WDR64: variants seen among roughly 807,000 people sequenced by gnomAD.
WDR64 encodes WD repeat-containing protein 64.
Under a neutral mutation model 139.3 loss-of-function variants are expected in WDR64, and 112 were observed. The observed-to-expected ratio is 0.80, with a 90% CI of 0.69 to 0.94. WDR64 has a LOEUF of 0.94. Ranked by LOEUF, WDR64 falls within the 40% of genes least tolerant of loss-of-function variation. WDR64 has a pLI of 0.00. For synonymous variants in WDR64, 444 were observed against 437.7 expected, an observed-to-expected ratio of 1.01 and a Z score of -0.18; for missense variants, 1,206 against 1,293.1, an observed-to-expected ratio of 0.93 and a Z score of 1.03.
intron 7 of WDR64, 140 bp from the exon 8 acceptor site, chr1:241,687,321 A>AAAT: frequency 5.0e-6 from 4 of 799,378 alleles, no homozygotes; most frequent in Non-Finnish European, 7.5e-6. Flanking sequence ...AAAAAAAAAA[A>AAAT]GGTGTTATAA....
intron 22 of WDR64, among the ~76,000 whole-genome samples, chr1:241,781,695 A>G (rs1263165564): frequency 6.6e-6 from 1 of 152,244 alleles, no homozygotes; most frequent in Non-Finnish European, 1.5e-5. Context: ...GCGGATTTCA[A>G]TCCATTAAGG....
chr1:241,686,458 T>C (rs565000073), intron 7 of WDR64, among the ~76,000 whole-genome samples: 5 of 152,246 alleles, frequency 3.3e-5, no homozygotes, highest in Non-Finnish European at 7.3e-5. Context: ...GCTGTAAACA[T>C]TTCTATTCCT....
chr1:241,765,884 G>A (rs772964112), intron 15 of WDR64, among the ~76,000 whole-genome samples: 3 of 152,176 alleles, frequency 2.0e-5, no homozygotes, highest in Admixed American at 6.5e-5. Context: ...AGAAAAGTTG[G>A]TAAGTGGAAA....
At chr1:241,782,380 G>A (rs575674605) in intron 22 of WDR64, among the ~76,000 whole-genome samples, 5 of 152,304 alleles carry the variant, frequency 3.3e-5, no homozygotes, top group Middle Eastern at 3.4e-3. Flanking sequence ...AAATTTAGGC[G>A]GAATTGCGCC....
intron 13 of WDR64, 116 bp downstream of exon 13, chr1:241,744,632 G>A: frequency 7.3e-7 from 1 of 1,376,958 alleles, no homozygotes; most frequent in Non-Finnish European, 9.8e-7. Flanking sequence ...GACTATGTCT[G>A]GGTGCCAGTG....
Position 241,687,571 on chromosome 1 carries a change from C to T in WDR64, c.950C>T (p.Ser317Phe), listed in dbSNP as rs1029894824. The change falls in exon 8 of 28, where the codon TCC becomes TTC. Residue 317 changes from serine (S) to phenylalanine (F), a missense_variant. By Grantham distance (155) the Ser-to-Phe change is radical. Coordinates refer to ENST00000437684, the MANE Select transcript of WDR64 (RefSeq NM_001367482.1). ...AGTAATCATTCATTAGTTTTGGAAT[C>T]CTTGAAGAGACTCGAGGATAATTTG... is the stretch of plus-strand genomic sequence containing the variant. ...LDSNHSLVLESLKRLEDNLPV... is the reference protein window; with the variant it reads ...LDSNHSLVLEFLKRLEDNLPV... 2 of 1,613,320 alleles carry T rather than the reference C, an allele frequency of 1.2e-6. No homozygotes were observed. The highest frequency in any genetic ancestry group is 1.7e-6 in the Non-Finnish European group (2 of 1,179,584).
chr1:241,738,337 G>A, intron 10 of WDR64, 26 bp from the exon 11 acceptor site: 1 of 1,608,510 alleles, frequency 6.2e-7, no homozygotes, highest in East Asian at 2.2e-5. Flanking sequence ...ATAAATAGTG[G>A]TAAACTGTGT....
chr1:241,713,353 GA>G (rs1668253777), intron 9 of WDR64, among the ~76,000 whole-genome samples: 1 of 101,372 alleles, frequency 9.9e-6, no homozygotes, highest in African/African-American at 3.3e-5. Context: ...GGGAGGGAGG[GA>G]GGGACAGAGG....
intron 10 of WDR64, among the ~76,000 whole-genome samples, chr1:241,725,839 A>AT (rs1234978685): frequency 2.0e-5 from 3 of 151,908 alleles, no homozygotes; most frequent in Admixed American, 6.6e-5. Flanking sequence ...AAAACTCTCA[A>AT]TTTTTTGAGA....
rs1378662319 is a variant in WDR64 at position 241,723,484 on chromosome 1, T to C, written c.1194+48T>C. 5.0e-6 allele frequency: 8 copies of C among 1,590,550 alleles called. No individual in the cohort carries two copies. In the East Asian group the frequency reaches 1.6e-4, roughly 32 times the overall value. ...ACAAAACTAGTTTTTTCCGGAAAATTATCTGTTGGAAGGCATAGGGATGAT... is the reference window on the plus strand; with the variant it reads ...ACAAAACTAGTTTTTTCCGGAAAATCATCTGTTGGAAGGCATAGGGATGAT... On this transcript the variant is annotated intron_variant, in intron 10 of 27. Transcript: ENST00000437684.
chr1:241,772,479 T>C (rs1658496118), intron 19 of WDR64, among the ~76,000 whole-genome samples: 1 of 79,830 alleles, frequency 1.3e-5, no homozygotes, highest in African/African-American at 5.2e-5. Flanking sequence ...TTTTTTTTTT[T>C]TGAGACAGAG....
intron 21 of WDR64, among the ~76,000 whole-genome samples, chr1:241,777,810 T>C (rs1658714766): frequency 6.6e-6 from 1 of 152,204 alleles, no homozygotes; most frequent in African/African-American, 2.4e-5. Flanking sequence ...AATCTCCAAG[T>C]ACTTGGGGAT....
chr1:241,711,926 A>C, intron 9 of WDR64, 45 bp downstream of exon 9: 1 of 1,585,100 alleles, frequency 6.3e-7, no homozygotes. Flanking sequence ...TACTTTGCAA[A>C]CATCGTTCTC....
At chr1:241,687,350 A>G (rs1667045156) in intron 7 of WDR64, 111 bp from the exon 8 acceptor site, 1 of 1,306,128 alleles carries the variant, frequency 7.7e-7, no homozygotes, top group South Asian at 1.3e-5. Context: ...GCTGTATTCT[A>G]CATTTGGGTT....
intron 10 of WDR64, among the ~76,000 whole-genome samples, chr1:241,726,491 A>G (rs2148208048): frequency 6.6e-6 from 1 of 152,294 alleles, no homozygotes; most frequent in South Asian, 2.1e-4. Flanking sequence ...GTGAGTTTTA[A>G]GGTAAGTAGA....
chr1:241,665,537 A>G (rs1316944744), intron 2 of WDR64, among the ~76,000 whole-genome samples: 3 of 152,186 alleles, frequency 2.0e-5, no homozygotes. Flanking sequence ...CAAAAGTTTC[A>G]CCTTCTTTTT....
intron 8 of WDR64, among the ~76,000 whole-genome samples, chr1:241,690,134 C>G (rs891138709): frequency 6.6e-6 from 1 of 152,074 alleles, no homozygotes; most frequent in Non-Finnish European, 1.5e-5. Context: ...CAAAAAATAA[C>G]TATACCTAGG....
chr1:241,738,684 G>GT (rs1414677904), intron 11 of WDR64, among the ~76,000 whole-genome samples, 195 bp downstream of exon 11: 1 of 152,182 alleles, frequency 6.6e-6, no homozygotes, highest in East Asian at 1.9e-4. Context: ...ATTGAAATGT[G>GT]TAACTGCACT....
intron 8 of WDR64, among the ~76,000 whole-genome samples, chr1:241,705,288 T>C (rs1166015888): frequency 6.6e-6 from 1 of 152,014 alleles, no homozygotes; most frequent in Admixed American, 6.6e-5. Flanking sequence ...ACGCCTGTAA[T>C]CCCAGCACTT....
Sources: allele counts gnomAD v4.1 joint callset (sites outside exome capture counted in the v4.1 genomes callset), GRCh38; gene constraint gnomAD v4.1.1; transcripts MANE v1.5; gene names NCBI Gene and HGNC (gene_info 2026-07-23, HGNC 2026-07-21).